PKIB: variants seen among roughly 807,000 people sequenced by gnomAD.
The protein encoded by PKIB is PKI-beta.
Under a neutral mutation model 4.5 loss-of-function variants are expected in PKIB, and 2 were observed. That is an observed-to-expected ratio of 0.44 (90% CI 0.18 to 1.39). The LOEUF is 1.39. Among genes scored for constraint, PKIB ranks in the 40% most tolerant of loss-of-function variants. The probability of loss-of-function intolerance (pLI) is 0.27; values close to 1 mark genes in which losing one functional copy is unlikely to be tolerated. For synonymous variants in PKIB, 38 were observed against 36.0 expected (o/e 1.06, Z -0.20); for missense variants, 94 against 92.6 (o/e 1.02, Z -0.06).
At chr6:122,517,195 C>T (rs9375141) in intron 2 of PKIB, among the ~76,000 whole-genome samples, 19,012 of 152,114 alleles carry the variant, frequency 0.12, 1,331 homozygotes, top group East Asian at 0.21. Flanking sequence ...ATACTGAACA[C>T]ATTCTAATCA....
intron 3 of PKIB, among the ~76,000 whole-genome samples, chr6:122,680,644 G>C (rs1271090032): frequency 6.6e-6 from 1 of 152,144 alleles, no homozygotes. Context: ...GGCAGGCCAA[G>C]ATCAAAGAAA....
At chr6:122,718,953 A>C (rs959418111) in intron 4 of PKIB, among the ~76,000 whole-genome samples, 2 of 152,194 alleles carry the variant, frequency 1.3e-5, no homozygotes, top group Admixed American at 1.3e-4. Flanking sequence ...GAGAGTAAAA[A>C]AGCATACACA....
intron 2 of PKIB, among the ~76,000 whole-genome samples, chr6:122,520,365 A>G (rs970858672): frequency 3.3e-5 from 5 of 152,160 alleles, no homozygotes; most frequent in Admixed American, 2.0e-4. Flanking sequence ...CCTGAGTTAC[A>G]CAAGCTGATT....
At chr6:122,649,999 T>G (rs920680624) in intron 2 of PKIB, among the ~76,000 whole-genome samples, 1 of 152,206 alleles carries the variant, frequency 6.6e-6, no homozygotes, top group Non-Finnish European at 1.5e-5. Context: ...TTCTCTTATT[T>G]GGGTACCCAC....
chr6:122,671,505 T>C (rs1582797297), intron 2 of PKIB, among the ~76,000 whole-genome samples: 4 of 152,158 alleles, frequency 2.6e-5, no homozygotes, highest in African/African-American at 9.7e-5. Context: ...CTGAACTTTG[T>C]CCTCCAAACT....
At chr6:122,635,144 T>A (rs1162436550) in intron 2 of PKIB, among the ~76,000 whole-genome samples, 2 of 152,024 alleles carry the variant, frequency 1.3e-5, no homozygotes, top group Admixed American at 1.3e-4. Flanking sequence ...AATAATTTAT[T>A]GGGTCTATAT....
At chr6:122,531,762 T>G (rs1777266471) in intron 2 of PKIB, among the ~76,000 whole-genome samples, 1 of 152,246 alleles carries the variant, frequency 6.6e-6, no homozygotes, top group African/African-American at 2.4e-5. Flanking sequence ...GTCTATATTC[T>G]TATTTCTTTC....
intron 2 of PKIB, among the ~76,000 whole-genome samples, chr6:122,556,465 A>G (rs900094416): frequency 1.3e-5 from 2 of 152,192 alleles, no homozygotes; most frequent in African/African-American, 4.8e-5. Flanking sequence ...TCTTACTTGG[A>G]CATGCTATTC....
At chr6:122,717,042 G>A (rs1205412758) in intron 3 of PKIB, among the ~76,000 whole-genome samples, 2 of 152,120 alleles carry the variant, frequency 1.3e-5, no homozygotes, top group East Asian at 1.9e-4. Flanking sequence ...TAATAAAAAG[G>A]TCAGTTTTAG....
intron 2 of PKIB, among the ~76,000 whole-genome samples, chr6:122,633,974 C>CTAT: frequency 2.0e-5 from 3 of 151,626 alleles, no homozygotes; most frequent in South Asian, 2.1e-4. Context: ...ATCTATCTAT[C>CTAT]CATCTATCTA....
At position 122,508,649 on chromosome 6, in the gene PKIB, G is replaced by A. The variant is rs140256362; in HGVS notation, c.-248+30710G>A. Among the ~76,000 whole-genome samples the A allele has an allele frequency of 7.0e-3, 1,065 of 152,240 alleles. 9 individuals are homozygous for A. Among genetic ancestry groups the A allele is most frequent in the South Asian group, 8.9e-3 (43 of 4,824 alleles). On this transcript the variant is annotated intron_variant, in intron 2 of 6. Transcript: ENST00000392491. The stretch of plus-strand genomic sequence containing the variant: ...GCTGTTTGTAAAGAGTTGAACAATT[G>A]ATAAAGCTGTTTACCAATAATATAT...
chr6:122,474,413 T>C (rs1775399115), intron 1 of PKIB, among the ~76,000 whole-genome samples: 5 of 152,142 alleles, frequency 3.3e-5, no homozygotes. Context: ...ATGAAATGTA[T>C]TAATATGCAC....
At chr6:122,562,989 G>A (rs975429312) in intron 2 of PKIB, among the ~76,000 whole-genome samples, 13 of 152,038 alleles carry the variant, frequency 8.6e-5, no homozygotes, top group African/African-American at 3.1e-4. Flanking sequence ...TCTTGGTTTG[G>A]ATCCATTGCT....
At chr6:122,545,012 GAAAAC>G (rs1772447670) in intron 2 of PKIB, among the ~76,000 whole-genome samples, 1 of 152,074 alleles carries the variant, frequency 6.6e-6, no homozygotes, top group African/African-American at 2.4e-5. Context: ...AGGTTGCAGA[GAAAAC>G]AGAATACTTA....
exon 1 of PKIB, chr6:122,471,942 A>T (rs1009199496): frequency 8.4e-7 from 1 of 1,188,712 alleles, no homozygotes; most frequent in African/African-American, 1.6e-5. Context: ...TCACTAGACG[A>T]CACGGCTGTC....
At chr6:122,704,233 G>A (rs372776180) in intron 3 of PKIB, among the ~76,000 whole-genome samples, 32 of 151,824 alleles carry the variant, frequency 2.1e-4, no homozygotes, top group East Asian at 5.8e-4. Flanking sequence ...GATGTGGCCC[G>A]CCCATATTGA....
At chr6:122,574,993 A>C (rs564828284) in intron 2 of PKIB, among the ~76,000 whole-genome samples, 8 of 152,210 alleles carry the variant, frequency 5.3e-5, no homozygotes, top group Non-Finnish European at 8.8e-5. Flanking sequence ...TTTGCAAACT[A>C]TGCATCTGAC....
intron 3 of PKIB, among the ~76,000 whole-genome samples, chr6:122,601,932 G>A (rs1402877558): frequency 6.6e-6 from 1 of 151,704 alleles, no homozygotes; most frequent in Non-Finnish European, 1.5e-5. Flanking sequence ...AGGGTCACCT[G>A]TAGTTTGGAA....
chr6:122,597,746 C>T (rs1220000554), intron 3 of PKIB, among the ~76,000 whole-genome samples: 1 of 152,184 alleles, frequency 6.6e-6, no homozygotes, highest in Non-Finnish European at 1.5e-5. Context: ...GTAGCCTTCC[C>T]TCACCCTACC....
Sources: gnomAD v4.1 joint callset for allele counts (sites outside exome capture counted in the v4.1 genomes callset) on GRCh38, gnomAD v4.1.1 for gene constraint, MANE v1.5 for transcripts, NCBI Gene and HGNC (gene_info 2026-07-23, HGNC 2026-07-21) for gene names.